Variants in MSRA observed in about 807,000 individuals in gnomAD.
MSRA encodes the protein mitochondrial peptide methionine sulfoxide reductase.
Under a neutral mutation model 31.3 loss-of-function variants are expected in MSRA, and 54 were observed. The observed-to-expected ratio is 1.73, with a 90% CI of 1.39 to 2.17. The LOEUF is 2.17. MSRA is among the 30% of genes most tolerant of loss of function. The pLI, the probability that MSRA is intolerant of heterozygous loss-of-function variation, is 0.00. For synonymous variants in MSRA, 169 were observed against 116.5 expected (o/e 1.45, Z -2.90); for missense variants, 507 against 300.9 (o/e 1.69, Z -5.07).
intron 3 of MSRA, among the ~76,000 whole-genome samples, chr8:10,248,438 C>T (rs540139197): frequency 4.6e-5 from 7 of 152,122 alleles, no homozygotes; most frequent in Non-Finnish European, 1.5e-5. Context: ...TGTGATGACG[C>T]ACATCAGAGC....
intron 5 of MSRA, among the ~76,000 whole-genome samples, chr8:10,401,561 T>C (rs1388909453): frequency 6.6e-6 from 1 of 152,224 alleles, no homozygotes; most frequent in Admixed American, 6.5e-5. Context: ...CTCACGCCTA[T>C]GTATATATCC....
intron 5 of MSRA, among the ~76,000 whole-genome samples, chr8:10,378,032 C>A (rs111346898): frequency 6.6e-6 from 1 of 152,208 alleles, no homozygotes; most frequent in African/African-American, 2.4e-5. Context: ...CAAAAGGCCC[C>A]GGGTGGCCAG....
At chr8:10,263,865 A>T (rs559865879) in intron 3 of MSRA, among the ~76,000 whole-genome samples, 5 of 152,322 alleles carry the variant, frequency 3.3e-5, no homozygotes, top group African/African-American at 9.6e-5. Flanking sequence ...TCAAATATAG[A>T]TACAGAACAC....
intron 5 of MSRA, among the ~76,000 whole-genome samples, chr8:10,380,593 A>G (rs1806008997): frequency 2.0e-5 from 3 of 152,212 alleles, no homozygotes; most frequent in Admixed American, 6.5e-5. Flanking sequence ...ATGCAGTTAC[A>G]TTTAGTAATT....
chr8:10,088,948 C>T (rs1049943238), intron 1 of MSRA, among the ~76,000 whole-genome samples: 4 of 152,102 alleles, frequency 2.6e-5, no homozygotes, highest in African/African-American at 9.7e-5. Flanking sequence ...AATATTAATA[C>T]ACACGTAGAG....
intron 5 of MSRA, among the ~76,000 whole-genome samples, chr8:10,335,774 C>A (rs780481038): frequency 6.6e-5 from 10 of 152,238 alleles, no homozygotes; most frequent in Admixed American, 6.5e-5. Flanking sequence ...CCTTCCCCAA[C>A]ATAGGACCAG....
At chr8:10,373,663 C>T (rs1289459746) in intron 5 of MSRA, among the ~76,000 whole-genome samples, 1 of 152,218 alleles carries the variant, frequency 6.6e-6, no homozygotes, top group African/African-American at 2.4e-5. Context: ...GCAGGGGATT[C>T]CGGGAAGGAA....
chr8:10,125,640 G>C (rs538199118), intron 1 of MSRA, among the ~76,000 whole-genome samples: 2 of 152,336 alleles, frequency 1.3e-5, no homozygotes, highest in South Asian at 4.1e-4. Context: ...GAGCAGCGCT[G>C]ATGACAGAGA....
intron 5 of MSRA, among the ~76,000 whole-genome samples, chr8:10,322,559 T>TTA: frequency 6.6e-6 from 1 of 152,136 alleles, no homozygotes; most frequent in South Asian, 2.1e-4. Flanking sequence ...AAGTGCAGAG[T>TTA]CTAAGGTGCC....
intron 5 of MSRA, among the ~76,000 whole-genome samples, chr8:10,359,211 C>G (rs1380123335): frequency 6.6e-6 from 1 of 152,198 alleles, no homozygotes. Context: ...GCAGACTCCT[C>G]TTCTCCATTG....
At chr8:10,138,511 C>T (rs558267158) in intron 1 of MSRA, among the ~76,000 whole-genome samples, 2 of 152,190 alleles carry the variant, frequency 1.3e-5, no homozygotes, top group Non-Finnish European at 2.9e-5. Flanking sequence ...AATAAGACGG[C>T]TGCTTTCATG....
rs186865160 is a variant in MSRA at position 10,232,270 on chromosome 8, A to G, written c.212-12834A>G. Among the ~76,000 whole-genome samples the G allele has an allele frequency of 6.4e-4, 98 of 152,230 alleles. 1 individual carries two copies. Among genetic ancestry groups the G allele is most frequent in the Non-Finnish European group, 1.0e-3 (68 of 68,014 alleles). On this transcript the variant is annotated intron_variant, in intron 2 of 5. Coordinates refer to ENST00000317173, the MANE Select transcript of MSRA (RefSeq NM_012331.5). Reference sequence around the variant, plus strand: ...GAGCCCAGCCTCCCTGTTGGTTTCCACTCTGACAAGACAGACTGCTCTTCC... The same window carrying G: ...GAGCCCAGCCTCCCTGTTGGTTTCCGCTCTGACAAGACAGACTGCTCTTCC...
At chr8:10,098,979 G>A (rs937687144) in intron 1 of MSRA, among the ~76,000 whole-genome samples, 3 of 152,212 alleles carry the variant, frequency 2.0e-5, no homozygotes, top group Non-Finnish European at 4.4e-5. Flanking sequence ...AGGAAGATAA[G>A]GCCCCTCCCA....
chr8:10,144,966 G>T (rs1416574658), intron 1 of MSRA, among the ~76,000 whole-genome samples: 1 of 152,024 alleles, frequency 6.6e-6, no homozygotes, highest in Admixed American at 6.5e-5. Context: ...CGTTTTGGGG[G>T]AGGGGGCATG....
chr8:10,226,279 C>G (rs564577456), intron 2 of MSRA, among the ~76,000 whole-genome samples: 1 of 152,210 alleles, frequency 6.6e-6, no homozygotes, highest in Non-Finnish European at 1.5e-5. Context: ...TAATAGCCCT[C>G]CCAGCTCTGC....
chr8:10,365,616 A>G (rs1334754859), intron 5 of MSRA, among the ~76,000 whole-genome samples: 1 of 152,218 alleles, frequency 6.6e-6, no homozygotes, highest in Admixed American at 6.5e-5. Flanking sequence ...TTTATCTGCA[A>G]CAGCAGGAAC....
At position 10,356,830 on chromosome 8, in the gene MSRA, G is replaced by GC. The variant is rs369159333; in HGVS notation, c.543+36844dup. The stretch of plus-strand genomic sequence containing the variant: ...CAGTCCATGGTATGTTGTTACGGCA[G>GC]CCCGAACAGATCAACACAGCGTGCA... On this transcript the variant is annotated intron_variant, in intron 5 of 5. Transcript: ENST00000317173. Among the ~76,000 whole-genome samples, 520 of 149,560 alleles carry GC rather than the reference G, an allele frequency of 3.5e-3. 3 individuals carry two copies. The highest frequency in any genetic ancestry group is 0.012 in the African/African-American group (492 of 40,492).
intron 5 of MSRA, among the ~76,000 whole-genome samples, chr8:10,392,890 C>CAAAAAAAAAA (rs869085304): frequency 1.8e-5 from 2 of 113,262 alleles, no homozygotes; most frequent in Non-Finnish European, 1.7e-5. Flanking sequence ...ACTAAAAATG[C>CAAAAAAAAAA]AAAAAAAAAA....
At chr8:10,246,669 A>G (rs1797638866) in intron 3 of MSRA, among the ~76,000 whole-genome samples, 1 of 152,216 alleles carries the variant, frequency 6.6e-6, no homozygotes, top group Admixed American at 6.5e-5. Context: ...TACAATATGA[A>G]TTCTATTTTG....
Sources: allele counts gnomAD v4.1 joint callset (sites outside exome capture counted in the v4.1 genomes callset), GRCh38; gene constraint gnomAD v4.1.1; transcripts MANE v1.5; gene names NCBI Gene and HGNC (gene_info 2026-07-23, HGNC 2026-07-21).